ZNF197: variants seen among roughly 807,000 people sequenced by gnomAD.
The protein encoded by ZNF197 is zinc finger protein 197, also known as VHL-associated KRAB-A domain-containing protein.
ZNF197 carries 14 observed loss-of-function variants against 27.4 expected under a neutral mutation model. The ratio of observed to expected loss-of-function variants is 0.51; its 90% CI spans 0.34 to 0.80. The LOEUF (loss-of-function observed/expected upper bound fraction) is 0.80, where lower values mean the gene tolerates loss of function less well. Among genes scored for constraint, ZNF197 ranks in the 30% least tolerant of loss-of-function variants. The pLI is 0.02. For missense variants in ZNF197, 1,090 were observed against 1,222.6 expected, an observed-to-expected ratio of 0.89 and a Z score of 1.62; for synonymous variants, 415 against 420.0, an observed-to-expected ratio of 0.99 and a Z score of 0.15.
Position 44,629,060 on chromosome 3 carries a change from T to C in ZNF197, c.-81-14T>C. 6.7e-7 allele frequency: 1 copy of C among 1,502,104 alleles called. No individual in the cohort carries two copies. The highest frequency in any genetic ancestry group is 8.9e-7 in the Non-Finnish European group (1 of 1,125,834). The allele number at this position is 1,502,104 out of a possible 1,614,324, so 93.0% of individuals were successfully genotyped here. On this transcript the variant is annotated splice_polypyrimidine_tract_variant and intron_variant, in intron 1 of 5. Coordinates refer to ENST00000344387, the MANE Select transcript of ZNF197 (RefSeq NM_006991.5). ...CTGGGCTAACTTTAACAATGATTTC[T>C]TGAGGTCTTGTAGATGATACTCTCC...
intron 2 of ZNF197, among the ~76,000 whole-genome samples, chr3:44,630,085 C>T (rs1052973852): frequency 4.0e-5 from 6 of 151,828 alleles, no homozygotes; most frequent in African/African-American, 1.2e-4. Flanking sequence ...GATGTAGTGG[C>T]GAGTGCCTAT....
Position 44,643,688 on chromosome 3 carries a change from A to G in ZNF197, c.2558A>G (p.Lys853Arg), listed in dbSNP as rs1244880715. The G allele has an allele frequency of 1.9e-6, 3 of 1,614,078 alleles. No homozygotes were observed. Among genetic ancestry groups the G allele is most frequent in the South Asian group, 2.2e-5 (2 of 91,070 alleles). Residue 853 changes from lysine (K) to arginine (R), a missense_variant, in exon 6 of 6, where the codon AAA (lysine) becomes AGA (arginine). Physicochemically the swap from Lys to Arg is conservative, Grantham distance 26. Coordinates refer to ENST00000344387, the MANE Select transcript of ZNF197 (RefSeq NM_006991.5). ...CCCTATGCGTGTAGTGAGTGTGGAA[A>G]AGGTTTTACGTACAACAGAAACCTG... ...EKPYACSECG[K>R]GFTYNRNLIE...
In ZNF197 at chr3:44,642,362, C is replaced by T. The variant is rs371514033; in HGVS notation, c.1232C>T (p.Ser411Leu). ...KECGKGFIQRSSLLMHLRNHS... is the reference protein window; with the variant it reads ...KECGKGFIQRLSLLMHLRNHS... ...TGTGGAAAAGGCTTTATTCAGCGTT[C>T]GAGCCTTCTAATGCATTTACGGAAC... Residue 411 changes from serine to leucine, a missense_variant, in exon 6 of 6, where the codon TCG becomes TTG. Transcript: ENST00000344387. 1.5e-5 allele frequency: 24 copies of T among 1,613,948 alleles called. No homozygotes were observed. The highest frequency in any genetic ancestry group is 6.6e-5 in the South Asian group (6 of 91,080).
chr3:44,637,477 G>T lies in ZNF197; in HGVS notation c.770-4423G>T, dbSNP rs116637669. ...CTTTGAAGGACAAAAGTCATTAATT[G>T]TGATGAATTCCAGTTTTTTTTTTCT... On this transcript the variant is annotated intron_variant, in intron 5 of 5. Transcript: ENST00000344387. 7.5e-3 allele frequency among the ~76,000 whole-genome samples: 1,135 copies of T among 152,046 alleles called. 18 individuals carry two copies. Among genetic ancestry groups the T allele is most frequent in the African/African-American group, 0.026 (1,099 of 41,480 alleles).
In ZNF197 at chr3:44,643,626, C is replaced by T; in HGVS notation, c.2496C>T (p.Asn832=). Residue 832 remains asparagine (N), a synonymous_variant, in exon 6 of 6, where the codon AAC becomes AAT. Coordinates refer to ENST00000344387, the MANE Select transcript of ZNF197 (RefSeq NM_006991.5). ...GGAAGGTCTTCAGTTACCGCTCAAA[C>T]CTTATAGCCCATCAGAGGATCCATA... ...DCGKVFSYRS[N]LIAHQRIHTG... is the part of the protein sequence containing the mutation. 1.2e-6 allele frequency: 2 copies of T among 1,614,180 alleles called. No homozygotes were observed. Among genetic ancestry groups the T allele is most frequent in the African/African-American group, 1.3e-5 (1 of 75,050 alleles).
At position 44,643,898 on chromosome 3, in the gene ZNF197, T is replaced by G; in HGVS notation, c.2768T>G (p.Met923Arg). 1 of 1,613,906 alleles carries G rather than the reference T, an allele frequency of 6.2e-7. No individual in the cohort carries two copies. Among genetic ancestry groups the G allele is most frequent in the Non-Finnish European group, 8.5e-7 (1 of 1,179,958 alleles). ...QNKNLVVHQR[M>R]HTGEKPYECD... ...AAAAACCTTGTTGTACATCAGAGAA[T>G]GCACACTGGGGAAAAACCTTATGAG... is the stretch of plus-strand genomic sequence containing the variant. The change falls in exon 6 of 6, where the codon ATG becomes AGG. Residue 923 changes from methionine (M) to arginine (R), a missense_variant. Met to Arg is a moderately conservative substitution (Grantham distance 91). Transcript: ENST00000344387.
At position 44,646,750 on chromosome 3, in the gene ZNF197, AG is replaced by A; in HGVS notation, c.*2531del. The A allele has an allele frequency of 2.0e-6, 1 of 491,694 alleles. No homozygotes were observed. The allele number at this position is 491,694 out of a possible 1,614,324, so 30.5% of individuals were successfully genotyped here. A position where few individuals can be genotyped will look rare whatever the true frequency, so the allele number is the denominator to read the frequency against. ...ATGGATGAGGAGGCTTGTTTTTAAA[AG>A]ATAATACTAGAGAGCCGTTAGGTAC... is the stretch of plus-strand genomic sequence containing the variant. On this transcript the variant is annotated 3_prime_UTR_variant, in exon 6 of 6. Transcript: ENST00000344387.
Position 44,642,616 on chromosome 3 carries a change from T to G in ZNF197, c.1486T>G (p.Tyr496Asp). 1 of 1,614,020 alleles carries G rather than the reference T, an allele frequency of 6.2e-7. No individual in the cohort carries two copies. The highest frequency in any genetic ancestry group is 1.7e-5 in the Admixed American group (1 of 60,016). Reference sequence around the variant, plus strand: ...TGGGAAAGTCTTCTCTCAGAATGCTTACCTCATTGACCATCAGAGGCTCCA... The same window carrying G: ...TGGGAAAGTCTTCTCTCAGAATGCTGACCTCATTGACCATCAGAGGCTCCA... ...ECGKVFSQNA[Y>D]LIDHQRLHKG... Residue 496 changes from tyrosine (Y) to aspartate (D), a missense_variant, in exon 6 of 6, where the codon TAC becomes GAC. Coordinates refer to ENST00000344387, the MANE Select transcript of ZNF197 (RefSeq NM_006991.5).
Position 44,647,919 on chromosome 3 carries a change from C to G in ZNF197, c.*3699C>G, listed in dbSNP as rs556865060. ...TGGTGGTTACACAAATCTATAGGTG[C>G]TATACCTATACACACATACTGTACC... On this transcript the variant is annotated 3_prime_UTR_variant, in exon 6 of 6. Coordinates refer to ENST00000344387, the MANE Select transcript of ZNF197 (RefSeq NM_006991.5). 1 of 152,236 alleles carries G rather than the reference C, an allele frequency of 6.6e-6. No individual in the cohort carries two copies. Among genetic ancestry groups the G allele is most frequent in the Admixed American group, 6.5e-5 (1 of 15,296 alleles). 9.4% of individuals were successfully genotyped at this position (152,236 alleles called of 1,614,324 possible).
Position 44,647,466 on chromosome 3 carries a change from A to G in ZNF197, c.*3246A>G, listed in dbSNP as rs1703022059. The G allele has an allele frequency of 6.6e-6, 1 of 152,210 alleles. No homozygotes were observed. Among genetic ancestry groups the G allele is most frequent in the Non-Finnish European group, 1.5e-5 (1 of 68,030 alleles). The allele number at this position is 152,210 out of a possible 1,614,324, so 9.4% of individuals were successfully genotyped here. ...ACTTCTGAGCATTTATCCCAGAGAA[A>G]TGAAAACTTGCGTTCACACAAAAAC... On this transcript the variant is annotated 3_prime_UTR_variant, in exon 6 of 6. Coordinates refer to ENST00000344387, the MANE Select transcript of ZNF197 (RefSeq NM_006991.5).
In ZNF197 at chr3:44,646,004, A is replaced by G; in HGVS notation, c.*1784A>G. The G allele has an allele frequency of 1.0e-6, 1 of 985,434 alleles. No individual in the cohort carries two copies. The allele number at this position is 985,434 out of a possible 1,614,324, so 61.0% of individuals were successfully genotyped here. ...GAAGATTGTGTTTTTTAATAATGTC[A>G]AAGTGGTGTGTTGATTATCATAAAT... On this transcript the variant is annotated 3_prime_UTR_variant, in exon 6 of 6. Coordinates refer to ENST00000344387, the MANE Select transcript of ZNF197 (RefSeq NM_006991.5).
At chr3:44,625,289 G>A (rs1314387334) in intron 1 of ZNF197, 146 bp downstream of exon 1, 1 of 152,460 alleles carries the variant, frequency 6.6e-6, no homozygotes, top group Non-Finnish European at 1.5e-5. Context: ...TCGTGTTGGG[G>A]TTCGACGTCG....
chr3:44,644,017 TGTAGTAAA>T lies in ZNF197; in HGVS notation c.2890_2897del (p.Ser964PhefsTer2), dbSNP rs1208904268. The T allele has an allele frequency of 1.9e-6, 3 of 1,614,044 alleles. No homozygotes were observed. Among genetic ancestry groups the T allele is most frequent in the Non-Finnish European group, 2.5e-6 (3 of 1,180,000 alleles). On this transcript the variant is annotated frameshift_variant, in exon 6 of 6. Transcript: ENST00000344387. LOFTEE classifies it low-confidence loss of function (END_TRUNC). ...GGAGAAACCCTATGGGTGTAATGATTGTAGTAAAGTTTTTAGGCAAAGAAAAAACCTTA... is the reference window on the plus strand; with the variant it reads ...GGAGAAACCCTATGGGTGTAATGATTGTTTTTAGGCAAAGAAAAAACCTTA...
At chr3:44,638,949 A>G (rs1355715584) in intron 5 of ZNF197, among the ~76,000 whole-genome samples, 1 of 152,230 alleles carries the variant, frequency 6.6e-6, no homozygotes, top group Non-Finnish European at 1.5e-5. Flanking sequence ...CTTGGCCTCA[A>G]GCAATCCACC....
intron 5 of ZNF197, among the ~76,000 whole-genome samples, chr3:44,639,275 A>G (rs944948737): frequency 6.6e-6 from 1 of 152,078 alleles, no homozygotes; most frequent in Non-Finnish European, 1.5e-5. Context: ...ATATTTATCT[A>G]TAGTTTTCTT....
Position 44,632,363 on chromosome 3 carries a change from C to CT in ZNF197, c.643-109dup, listed in dbSNP as rs1323506466. Reference sequence around the variant, plus strand: ...TGATCTCCTTATGTCTCCCTGATGTCTGTTATGCACTCATGGCCTCACAGT... The same window carrying CT: ...TGATCTCCTTATGTCTCCCTGATGTCTTGTTATGCACTCATGGCCTCACAGT... On this transcript the variant is annotated intron_variant, in intron 4 of 5. Coordinates refer to ENST00000344387, the MANE Select transcript of ZNF197 (RefSeq NM_006991.5). The CT allele has an allele frequency of 2.0e-6, 3 of 1,507,702 alleles. No individual in the cohort carries two copies. The East Asian group carries it at 6.8e-5, about 34-fold the overall frequency. 93.4% of individuals were successfully genotyped at this position (1,507,702 alleles called of 1,614,324 possible). A position where few individuals can be genotyped will look rare whatever the true frequency, so the allele number is the denominator to read the frequency against.
rs1702884274 is a variant in ZNF197 at position 44,645,140 on chromosome 3, G to A, written c.*920G>A. ...TATTAAGTCAGCCTCTAAAGCTTTAGTTTCCTGTCAGTCAAATGTTGACAT... is the reference window on the plus strand; with the variant it reads ...TATTAAGTCAGCCTCTAAAGCTTTAATTTCCTGTCAGTCAAATGTTGACAT... On this transcript the variant is annotated 3_prime_UTR_variant, in exon 6 of 6. Coordinates refer to ENST00000344387, the MANE Select transcript of ZNF197 (RefSeq NM_006991.5). 1 of 970,940 alleles carries A rather than the reference G, an allele frequency of 1.0e-6. No individual in the cohort carries two copies. Among genetic ancestry groups the A allele is most frequent in the Non-Finnish European group, 1.2e-6 (1 of 816,730 alleles). The allele number at this position is 970,940 out of a possible 1,614,324, so 60.1% of individuals were successfully genotyped here. A position where few individuals can be genotyped will look rare whatever the true frequency, so the allele number is the denominator to read the frequency against.
intron 5 of ZNF197, among the ~76,000 whole-genome samples, chr3:44,641,295 A>T (rs1702588179): frequency 6.6e-6 from 1 of 152,210 alleles, no homozygotes; most frequent in Non-Finnish European, 1.5e-5. Flanking sequence ...CTGACTATTT[A>T]AAATGAATTT....
intron 5 of ZNF197, 32 bp from the exon 6 acceptor site, chr3:44,641,868 G>A: frequency 6.5e-7 from 1 of 1,533,370 alleles, no homozygotes; most frequent in Non-Finnish European, 8.7e-7. Flanking sequence ...CAGGGACGTG[G>A]TAACATTTGC....
Sources: allele counts gnomAD v4.1 joint callset (sites outside exome capture counted in the v4.1 genomes callset), GRCh38; gene constraint gnomAD v4.1.1; transcripts MANE v1.5; gene names NCBI Gene and HGNC (gene_info 2026-07-23, HGNC 2026-07-21).